Variants in MTTP observed in about 807,000 individuals in gnomAD.
The protein encoded by MTTP is microsomal triglyceride transfer protein large subunit.
MTTP carries 49 observed loss-of-function variants against 90.6 expected under a neutral mutation model. The observed-to-expected ratio is 0.54, with a 90% CI of 0.43 to 0.69. The LOEUF (loss-of-function observed/expected upper bound fraction) is 0.69. Among genes scored for constraint, MTTP ranks in the 30% least tolerant of loss-of-function variants. MTTP has a pLI of 0.00. For synonymous variants in MTTP, 347 were observed against 384.2 expected (o/e 0.90, Z 1.13); for missense variants, 945 against 1,067.5 (o/e 0.89, Z 1.60).
At chr4:99,593,393 A>T (rs566113254) in intron 6 of MTTP, among the ~76,000 whole-genome samples, 31 of 132,048 alleles carry the variant, frequency 2.3e-4, no homozygotes, top group South Asian at 1.5e-3. Context: ...AAGAGTTTTT[A>T]AAAAAAATTG....
intron 10 of MTTP, among the ~76,000 whole-genome samples, chr4:99,603,193 A>C (rs1725738238): frequency 1.3e-5 from 2 of 152,108 alleles, no homozygotes; most frequent in Admixed American, 1.3e-4. Context: ...GTGGGGTTGG[A>C]ACATAAAATA....
chr4:99,568,904 T>A (rs1724769184), intron 1 of MTTP, among the ~76,000 whole-genome samples: 1 of 152,058 alleles, frequency 6.6e-6, no homozygotes, highest in Non-Finnish European at 1.5e-5. Context: ...AATTGGAAAT[T>A]AAAGACAAAT....
At chr4:99,587,190 T>C (rs1288067220) in intron 3 of MTTP, among the ~76,000 whole-genome samples, 2 of 152,194 alleles carry the variant, frequency 1.3e-5, no homozygotes, top group African/African-American at 4.8e-5. Context: ...AGCTCAATTC[T>C]AACAGTTTTG....
Position 99,608,673 on chromosome 4 carries a change from A to G in MTTP, c.1558-93A>G, listed in dbSNP as rs951395019. The stretch of plus-strand genomic sequence containing the variant: ...CTGGGAAATGTAGTAACACATGTAT[A>G]TTTTTATGAACACTCACTATTCCTG... On this transcript the variant is annotated intron_variant, in intron 11 of 17. Coordinates refer to ENST00000265517, the MANE Select transcript of MTTP (RefSeq NM_001386140.1). 6 of 1,017,512 alleles carry G rather than the reference A, an allele frequency of 5.9e-6. No homozygotes were observed. The African/African-American group carries it at 9.5e-5, about 16-fold the overall frequency. 63.0% of individuals were successfully genotyped at this position (1,017,512 alleles called of 1,614,324 possible).
chr4:99,576,719 T>A (rs1008642091), intron 1 of MTTP, among the ~76,000 whole-genome samples: 24 of 109,950 alleles, frequency 2.2e-4, no homozygotes, highest in African/African-American at 3.6e-4. Flanking sequence ...AAAAAAAAAA[T>A]TTAAATATAC....
chr4:99,620,641 G>A (rs566330288), intron 16 of MTTP, among the ~76,000 whole-genome samples: 1 of 152,340 alleles, frequency 6.6e-6, no homozygotes, highest in East Asian at 1.9e-4. Context: ...AGCCAACAGA[G>A]AGATAGTTAA....
chr4:99,582,453 G>A (rs1725143574), intron 2 of MTTP, among the ~76,000 whole-genome samples: 2 of 152,176 alleles, frequency 1.3e-5, no homozygotes, highest in South Asian at 4.1e-4. Context: ...AACTCAAGAG[G>A]AGATCAGTTA....
intron 7 of MTTP, among the ~76,000 whole-genome samples, chr4:99,595,833 G>C (rs1216273185): frequency 1.3e-5 from 2 of 150,930 alleles, no homozygotes; most frequent in Non-Finnish European, 3.0e-5. Context: ...TTAGGAAGGT[G>C]GCTAATAAAA....
rs116644882 is a variant in MTTP, at chr4:99,618,131, C to G, written c.2218-843C>G. Among the ~76,000 whole-genome samples the G allele has an allele frequency of 1.2e-3, 189 of 152,172 alleles. 1 individual carries two copies. The highest frequency in any genetic ancestry group is 4.4e-3 in the African/African-American group (183 of 41,542). ...GCATAACAGCAACATAGCATTTACA[C>G]TGTATTAGGTATTATAAGTAATCTA... On this transcript the variant is annotated intron_variant, in intron 15 of 17. Transcript: ENST00000265517.
intron 10 of MTTP, 85 bp downstream of exon 10, chr4:99,601,799 C>T: frequency 2.9e-6 from 3 of 1,050,058 alleles, no homozygotes; most frequent in Non-Finnish European, 3.0e-6. Context: ...TATTGGCACT[C>T]CTAATTCTCT....
chr4:99,580,075 A>G (rs528498602), intron 1 of MTTP, among the ~76,000 whole-genome samples: 151 of 149,770 alleles, frequency 1.0e-3, no homozygotes, highest in African/African-American at 3.6e-3. Flanking sequence ...AGAAGAAGAA[A>G]CTTTCTCTGC....
chr4:99,585,244 C>G (rs1369527251), intron 3 of MTTP, among the ~76,000 whole-genome samples: 1 of 152,120 alleles, frequency 6.6e-6, no homozygotes, highest in Non-Finnish European at 1.5e-5. Context: ...CACGAACTGT[C>G]TCTTTTATTC....
intron 1 of MTTP, among the ~76,000 whole-genome samples, chr4:99,576,687 T>C (rs1578231238): frequency 1.2e-5 from 1 of 83,672 alleles, no homozygotes; most frequent in Non-Finnish European, 2.1e-5. Context: ...AGAGCGAGAC[T>C]CCGTCTCAAA....
chr4:99,577,499 G>A (rs1164067642), intron 1 of MTTP, among the ~76,000 whole-genome samples: 1 of 151,768 alleles, frequency 6.6e-6, no homozygotes, highest in African/African-American at 2.4e-5. Context: ...CAGCTACTCA[G>A]GAGGCTGAGG....
intron 11 of MTTP, among the ~76,000 whole-genome samples, chr4:99,608,432 G>A (rs1028622447): frequency 6.6e-5 from 10 of 152,098 alleles, no homozygotes; most frequent in African/African-American, 1.2e-4. Context: ...GCAACAAAGC[G>A]AGACTCTGCC....
chr4:99,584,674 C>A (rs914372813), intron 3 of MTTP, among the ~76,000 whole-genome samples: 1 of 152,120 alleles, frequency 6.6e-6, no homozygotes, highest in African/African-American at 2.4e-5. Flanking sequence ...AAGTTCATAC[C>A]CTTCCAGCCA....
At position 99,618,976 on chromosome 4, in the gene MTTP, A is replaced by G. The variant is rs1484344808; in HGVS notation, c.2220A>G (p.Glu740=). ...ATTATTATGCTTTTTTCTTCTAGGA[A>G]CTTCAGTTACAATCTGGACTAAAAG... The part of the protein sequence containing the change: ...GLILLIDHSQ[E]LQLQSGLKAN... Residue 740 remains glutamate (E), a splice_region_variant and synonymous_variant, in exon 16 of 18, where the codon GAA becomes GAG. Transcript: ENST00000265517. 1 of 1,611,604 alleles carries G rather than the reference A, an allele frequency of 6.2e-7. No individual in the cohort carries two copies. The highest frequency in any genetic ancestry group is 1.1e-5 in the South Asian group (1 of 91,010).
chr4:99,612,851 C>G (rs752457669), intron 14 of MTTP, 62 bp from the exon 15 acceptor site: 168 of 1,468,416 alleles, frequency 1.1e-4, no homozygotes, highest in Non-Finnish European at 1.6e-4. Flanking sequence ...TCAGAAGCTT[C>G]ACCATTATTT....
intron 1 of MTTP, chr4:99,564,499 G>A (rs913642893): frequency 7.2e-6 from 3 of 414,364 alleles, no homozygotes; most frequent in African/African-American, 6.1e-5. Context: ...AAGTAAAACA[G>A]CCATAGCTTT....
Sources: allele counts gnomAD v4.1 joint callset (sites outside exome capture counted in the v4.1 genomes callset), GRCh38; gene constraint gnomAD v4.1.1; transcripts MANE v1.5; gene names NCBI Gene and HGNC (gene_info 2026-07-23, HGNC 2026-07-21).